The following EML6 variants were observed in gnomAD, a reference collection of about 807,000 sequenced individuals.
EML6 encodes the protein echinoderm microtubule-associated protein-like 6.
In EML6, 154 loss-of-function variants were observed where a neutral mutation model predicts 240.1. That is an observed-to-expected ratio of 0.64 (90% CI 0.56 to 0.73). The LOEUF (loss-of-function observed/expected upper bound fraction) is 0.73. EML6 is among the 30% of genes least tolerant of loss of function. The probability of loss-of-function intolerance (pLI) is 0.00; values close to 1 mark genes in which losing one functional copy is unlikely to be tolerated. For synonymous variants in EML6, 1,148 were observed against 899.0 expected (o/e 1.28, Z -4.95); for missense variants, 2,964 against 2,474.6 (o/e 1.20, Z -4.20).
intron 28 of EML6, among the ~76,000 whole-genome samples, chr2:54,930,729 C>T (rs1265816979): frequency 2.6e-5 from 4 of 152,186 alleles, no homozygotes; most frequent in East Asian, 3.9e-4. Context: ...CCTCAATTCC[C>T]AGAAGGAGCT....
chr2:54,907,394 C>G (rs912240269), intron 24 of EML6, among the ~76,000 whole-genome samples: 2 of 152,090 alleles, frequency 1.3e-5, no homozygotes, highest in African/African-American at 4.8e-5. Flanking sequence ...GTAATCCCAG[C>G]TACTTGGGAG....
At chr2:54,723,647 C>G (rs1021232352), upstream of EML6, 1 of 152,290 alleles carries the variant, frequency 6.6e-6, no homozygotes, top group Non-Finnish European at 1.5e-5. Flanking sequence ...AAGAACCTGT[C>G]TCCCGCGGCG....
At chr2:54,825,150 C>T (rs759036678) in intron 5 of EML6, among the ~76,000 whole-genome samples, 11 of 152,134 alleles carry the variant, frequency 7.2e-5, no homozygotes, top group Admixed American at 1.3e-4. Context: ...ATAACTCAGA[C>T]GGGGGGTGTA....
chr2:54,737,454 G>A (rs1242154141), intron 2 of EML6, among the ~76,000 whole-genome samples: 5 of 151,990 alleles, frequency 3.3e-5, no homozygotes, highest in African/African-American at 4.8e-5. Flanking sequence ...ATGCGCCACC[G>A]TGCCTGGCTA....
At chr2:54,802,591 C>G (rs552989599) in intron 2 of EML6, among the ~76,000 whole-genome samples, 3 of 151,510 alleles carry the variant, frequency 2.0e-5, no homozygotes, top group Admixed American at 6.6e-5. Context: ...GCACTTCAGC[C>G]TGGGCAACAG....
intron 2 of EML6, among the ~76,000 whole-genome samples, chr2:54,780,291 C>T (rs1186442014): frequency 6.6e-6 from 1 of 152,154 alleles, no homozygotes; most frequent in African/African-American, 2.4e-5. Context: ...GTCTGTAAGG[C>T]TAAACAATTT....
At chr2:54,968,568 G>T in intron 40 of EML6, 100 bp from the exon 41 acceptor site, 2 of 765,348 alleles carry the variant, frequency 2.6e-6, no homozygotes, top group Non-Finnish European at 2.2e-6. Context: ...CCCCAGTGAA[G>T]GAAGGTTCTG....
At chr2:54,848,732 T>C (rs1224024119) in intron 9 of EML6, among the ~76,000 whole-genome samples, 1 of 152,216 alleles carries the variant, frequency 6.6e-6, no homozygotes, top group Non-Finnish European at 1.5e-5. Flanking sequence ...GTCATAATCC[T>C]GTCTCACAAT....
intron 7 of EML6, among the ~76,000 whole-genome samples, chr2:54,841,180 A>G (rs1025342882): frequency 3.3e-5 from 5 of 152,384 alleles, no homozygotes; most frequent in African/African-American, 1.2e-4. Context: ...TCAGCTTGCA[A>G]TGACATCCTG....
intron 32 of EML6, among the ~76,000 whole-genome samples, chr2:54,955,634 T>C (rs1382623516): frequency 7.9e-5 from 12 of 152,210 alleles, no homozygotes; most frequent in African/African-American, 2.9e-4. Flanking sequence ...CTTCACTCCC[T>C]CTACCTGTCC....
At chr2:54,819,377 T>C (rs1668221711) in intron 4 of EML6, among the ~76,000 whole-genome samples, 1 of 152,202 alleles carries the variant, frequency 6.6e-6, no homozygotes, top group African/African-American at 2.4e-5. Flanking sequence ...AAATACCTGT[T>C]TTAAGCAATT....
At chr2:54,850,624 A>C (rs1039905889) in intron 10 of EML6, among the ~76,000 whole-genome samples, 1 of 152,236 alleles carries the variant, frequency 6.6e-6, no homozygotes, top group African/African-American at 2.4e-5. Flanking sequence ...TGACCAATAA[A>C]AGACTAGGAA....
Position 54,863,818 on chromosome 2 carries a change from T to G in EML6, c.1861T>G (p.Ser621Ala). The change falls in exon 13 of 42, where the codon TCA becomes GCA. Residue 621 changes from serine (S) to alanine (A), a missense_variant. Transcript: ENST00000356458. The part of the protein sequence containing the change: ...GADSYSEESD[S>A]DLSDVPELDS... ...TGATTCCTACAGTGAAGAATCTGATTCAGATTTATCTGATGTGCCCGAACT... is the reference window on the plus strand; with the variant it reads ...TGATTCCTACAGTGAAGAATCTGATGCAGATTTATCTGATGTGCCCGAACT... The G allele has an allele frequency of 6.5e-7, 1 of 1,549,658 alleles. No individual in the cohort carries two copies. Among genetic ancestry groups the G allele is most frequent in the South Asian group, 1.2e-5 (1 of 83,446 alleles).
intron 3 of EML6, among the ~76,000 whole-genome samples, chr2:54,816,059 A>G (rs980419576): frequency 4.6e-5 from 7 of 152,244 alleles, no homozygotes; most frequent in Admixed American, 1.3e-4. Flanking sequence ...AAAAGCAAAA[A>G]GAAAAGCCAA....
At chr2:54,889,262 C>T (rs1022872567) in intron 17 of EML6, among the ~76,000 whole-genome samples, 4 of 151,958 alleles carry the variant, frequency 2.6e-5, no homozygotes, top group East Asian at 1.9e-4. Context: ...TTTCCGTTTT[C>T]CTGGTCATTC....
At chr2:54,738,501 C>G (rs1683495678) in intron 2 of EML6, among the ~76,000 whole-genome samples, 1 of 152,132 alleles carries the variant, frequency 6.6e-6, no homozygotes, top group African/African-American at 2.4e-5. Flanking sequence ...CCCAACACAC[C>G]TGTAACCTTG....
chr2:54,861,180 G>A (rs1470945129), intron 12 of EML6, among the ~76,000 whole-genome samples: 1 of 152,164 alleles, frequency 6.6e-6, no homozygotes, highest in East Asian at 1.9e-4. Flanking sequence ...AGCACTTCAT[G>A]AGCCTTTGCT....
rs190835899 is a variant in EML6, at chr2:54,897,446, T to C, written c.2982+2046T>C. On this transcript the variant is annotated intron_variant, in intron 21 of 41. Coordinates refer to ENST00000356458, the MANE Select transcript of EML6 (RefSeq NM_001039753.4). ...TCCACAACAGATTGGCTCTGTTACA[T>C]TGTTTTATAGATGAGGGACCTAAAG... is the stretch of plus-strand genomic sequence containing the variant. Among the ~76,000 whole-genome samples the C allele has an allele frequency of 3.3e-3, 501 of 152,318 alleles. 2 individuals are homozygous for C. Among genetic ancestry groups the C allele is most frequent in the African/African-American group, 0.012 (483 of 41,574 alleles).
intron 25 of EML6, among the ~76,000 whole-genome samples, chr2:54,911,663 C>T (rs1001766484): frequency 6.6e-6 from 1 of 152,178 alleles, no homozygotes; most frequent in African/African-American, 2.4e-5. Flanking sequence ...TCTCGAACTC[C>T]TAACCTCAGG....
Sources: allele counts gnomAD v4.1 joint callset (sites outside exome capture counted in the v4.1 genomes callset), GRCh38; gene constraint gnomAD v4.1.1; transcripts MANE v1.5; gene names NCBI Gene and HGNC (gene_info 2026-07-23, HGNC 2026-07-21).